Variants in TNR observed in about 807,000 individuals in gnomAD.
TNR encodes tenascin R.
In TNR, 45 loss-of-function variants were observed where a neutral mutation model predicts 150.4. That is an observed-to-expected ratio of 0.30 (90% CI 0.24 to 0.38). The LOEUF is 0.38. Among genes scored for constraint, TNR ranks in the 10% least tolerant of loss-of-function variants. The pLI is 1.00. For synonymous variants in TNR, 687 were observed against 678.4 expected (o/e 1.01, Z -0.20); for missense variants, 1,544 against 1,759.1 (o/e 0.88, Z 2.19).
rs1649859417 is a variant in TNR at position 175,331,118 on chromosome 1, C to CTTTCTTTCTCTCTCTCTTTCT, written c.3632-884_3632-883insAGAAAGAGAGAGAGAAAGAAA. On this transcript the variant is annotated intron_variant, in intron 20 of 22. Coordinates refer to ENST00000367674, the MANE Select transcript of TNR (RefSeq NM_003285.3). ...CTTTCTTTCTCTCTCTCTTTCTTTT[C>CTTTCTTTCTCTCTCTCTTTCT]TTTCTTTCTTTCTTTTCTTTCTTTC... is the stretch of plus-strand genomic sequence containing the variant. Among the ~76,000 whole-genome samples, 40 of 107,330 alleles carry CTTTCTTTCTCTCTCTCTTTCT rather than the reference C, an allele frequency of 3.7e-4. 2 individuals carry two copies. The highest frequency in any genetic ancestry group is 1.6e-3 in the African/African-American group (38 of 23,138). 70.4% of individuals were successfully genotyped at this position (107,330 alleles called of 152,430 possible).
chr1:175,381,103 A>T (rs969453926), intron 8 of TNR, among the ~76,000 whole-genome samples: 13 of 152,202 alleles, frequency 8.5e-5, no homozygotes, highest in African/African-American at 3.1e-4. Context: ...CTTGCCAGAT[A>T]CTATGTATTC....
At chr1:175,643,383 G>A (rs974494301) in intron 1 of TNR, among the ~76,000 whole-genome samples, 1 of 152,294 alleles carries the variant, frequency 6.6e-6, no homozygotes, top group Admixed American at 6.5e-5. Flanking sequence ...GGCCACAGTG[G>A]TATTTGTCTC....
intron 1 of TNR, among the ~76,000 whole-genome samples, chr1:175,663,641 A>T (rs1304304477): frequency 6.6e-6 from 1 of 151,732 alleles, no homozygotes; most frequent in Non-Finnish European, 1.5e-5. Context: ...GACTAAAAGG[A>T]GGGAGGGGGA....
At chr1:175,677,992 C>T (rs1034744685) in intron 1 of TNR, among the ~76,000 whole-genome samples, 1 of 151,934 alleles carries the variant, frequency 6.6e-6, no homozygotes, top group Non-Finnish European at 1.5e-5. Flanking sequence ...GCATTAGGCA[C>T]TGTCAAATGT....
Position 175,634,991 on chromosome 1 carries a change from C to T in TNR, c.-164-106622G>A, listed in dbSNP as rs559612879. ...AATATCCTAAAGCCACGGGTCCCTA[C>T]CTAGCCCCTCCTCTGCTCCTTTGTG... On this transcript the variant is annotated intron_variant, in intron 1 of 22. Transcript: ENST00000367674. 3.9e-5 allele frequency among the ~76,000 whole-genome samples: 6 copies of T among 152,340 alleles called. No individual in the cohort carries two copies. In the South Asian group the frequency reaches 1.2e-3, roughly 32 times the overall value.
intron 1 of TNR, among the ~76,000 whole-genome samples, chr1:175,714,119 T>C (rs895053193): frequency 1.3e-5 from 2 of 151,736 alleles, no homozygotes; most frequent in African/African-American, 4.8e-5. Flanking sequence ...TGCCCTCTCT[T>C]TAAAACTCCT....
intron 1 of TNR, among the ~76,000 whole-genome samples, chr1:175,601,290 G>T (rs1019541055): frequency 4.6e-5 from 7 of 152,172 alleles, no homozygotes; most frequent in African/African-American, 7.2e-5. Context: ...GCCCTGAGGC[G>T]CTGAAAAAGC....
intron 20 of TNR, among the ~76,000 whole-genome samples, chr1:175,330,998 ATTCTTTCTTTCT>A (rs764826338): frequency 0.015 from 1,068 of 72,834 alleles, 27 homozygotes; most frequent in Middle Eastern, 0.031. Flanking sequence ...CCTCTTGGTG[ATTCTTTCTTTCT>A]TTCTTTCTTT....
chr1:175,471,504 A>G (rs779836192), intron 2 of TNR, among the ~76,000 whole-genome samples: 1 of 152,192 alleles, frequency 6.6e-6, no homozygotes, highest in Non-Finnish European at 1.5e-5. Flanking sequence ...TGAGGACTGT[A>G]GGCAATTGTA....
At chr1:175,508,688 C>T (rs1659050429) in intron 2 of TNR, among the ~76,000 whole-genome samples, 1 of 152,178 alleles carries the variant, frequency 6.6e-6, no homozygotes, top group South Asian at 2.1e-4. Context: ...CCAGTTCTGC[C>T]TTGAGATGAC....
chr1:175,668,253 T>A (rs1034052930), intron 1 of TNR, among the ~76,000 whole-genome samples: 3 of 152,132 alleles, frequency 2.0e-5, no homozygotes, highest in African/African-American at 7.2e-5. Flanking sequence ...AGAAAAGAAG[T>A]CAGTGTGAGA....
intron 2 of TNR, among the ~76,000 whole-genome samples, chr1:175,408,707 G>A (rs940957585): frequency 4.6e-5 from 7 of 152,172 alleles, no homozygotes; most frequent in African/African-American, 1.7e-4. Context: ...ATCTTACAAG[G>A]TTGGAGGGCT....
At chr1:175,484,975 T>G (rs1166895259) in intron 2 of TNR, among the ~76,000 whole-genome samples, 1 of 152,138 alleles carries the variant, frequency 6.6e-6, no homozygotes, top group Non-Finnish European at 1.5e-5. Flanking sequence ...AGCAAAGAAG[T>G]TTGCTCTCCT....
chr1:175,536,675 G>A (rs1170341402), intron 1 of TNR, among the ~76,000 whole-genome samples: 1 of 152,140 alleles, frequency 6.6e-6, no homozygotes, highest in Non-Finnish European at 1.5e-5. Flanking sequence ...GGAAGTTTGA[G>A]GGCAGTGTTT....
chr1:175,694,798 G>A (rs1251126536), intron 1 of TNR, among the ~76,000 whole-genome samples: 1 of 152,172 alleles, frequency 6.6e-6, no homozygotes, highest in Admixed American at 6.5e-5. Flanking sequence ...GACACAGTGA[G>A]AAGAAGACAT....
At chr1:175,429,431 C>G (rs1571427428) in intron 2 of TNR, among the ~76,000 whole-genome samples, 2 of 152,164 alleles carry the variant, frequency 1.3e-5, no homozygotes, top group East Asian at 3.8e-4. Flanking sequence ...AATAGTTGCT[C>G]TCTTGTTTCA....
intron 20 of TNR, among the ~76,000 whole-genome samples, chr1:175,330,998 A>ATTCTTTCT (rs764826338): frequency 0.019 from 1,352 of 72,754 alleles, 58 homozygotes; most frequent in African/African-American, 0.02. Flanking sequence ...CCTCTTGGTG[A>ATTCTTTCT]TTCTTTCTTT....
At chr1:175,543,106 G>A (rs541145087) in intron 1 of TNR, among the ~76,000 whole-genome samples, 2 of 152,194 alleles carry the variant, frequency 1.3e-5, no homozygotes, top group Non-Finnish European at 2.9e-5. Context: ...TTTTGCACCG[G>A]GCCCTGCAAA....
At chr1:175,446,367 T>C (rs1248591128) in intron 2 of TNR, among the ~76,000 whole-genome samples, 2 of 152,202 alleles carry the variant, frequency 1.3e-5, no homozygotes, top group East Asian at 3.8e-4. Context: ...CATTGTTCCA[T>C]CCACAAAATG....
Sources: gnomAD v4.1 joint callset for allele counts (sites outside exome capture counted in the v4.1 genomes callset) on GRCh38, gnomAD v4.1.1 for gene constraint, MANE v1.5 for transcripts, NCBI Gene and HGNC (gene_info 2026-07-23, HGNC 2026-07-21) for gene names.